Variants in HMCN1 observed in about 807,000 individuals in gnomAD.
The protein encoded by HMCN1 is hemicentin-1.
HMCN1 carries 321 observed loss-of-function variants against 625.9 expected under a neutral mutation model. The observed-to-expected ratio is 0.51, with a 90% CI of 0.47 to 0.56. HMCN1 has a LOEUF of 0.56. HMCN1 is among the 20% of genes least tolerant of loss of function. The pLI, the probability that HMCN1 is intolerant of heterozygous loss-of-function variation, is 0.00. For synonymous variants in HMCN1, 2,425 were observed against 2,417.6 expected (o/e 1.00, Z -0.09); for missense variants, 6,588 against 6,887.3 (o/e 0.96, Z 1.54).
chr1:186,038,717 A>T, intron 37 of HMCN1, 112 bp from the exon 38 acceptor site: 1 of 711,884 alleles, frequency 1.4e-6, no homozygotes, highest in South Asian at 1.6e-5. Flanking sequence ...AACAGATTAA[A>T]TTCAAATAAT....
At chr1:185,825,197 A>G (rs1660441323) in intron 1 of HMCN1, among the ~76,000 whole-genome samples, 1 of 152,122 alleles carries the variant, frequency 6.6e-6, no homozygotes, top group Non-Finnish European at 1.5e-5. Context: ...TTCCAAGTGT[A>G]TTTTACACAA....
chr1:185,924,653 TA>T (rs1293115610), intron 8 of HMCN1, among the ~76,000 whole-genome samples: 1 of 152,188 alleles, frequency 6.6e-6, no homozygotes, highest in Non-Finnish European at 1.5e-5. Flanking sequence ...AGTCATTTTT[TA>T]CATTTATTTT....
intron 36 of HMCN1, among the ~76,000 whole-genome samples, chr1:186,027,579 C>G (rs1388774200): frequency 6.6e-6 from 1 of 152,052 alleles, no homozygotes; most frequent in Non-Finnish European, 1.5e-5. Context: ...GAGAGTATAC[C>G]ACAGTTATGG....
chr1:186,183,437 G>T (rs1396225577), intron 105 of HMCN1, among the ~76,000 whole-genome samples: 1 of 152,184 alleles, frequency 6.6e-6, no homozygotes, highest in South Asian at 2.1e-4. Flanking sequence ...GATGAAACAT[G>T]AAGTTGAGTA....
rs185126656 is a variant in HMCN1, at chr1:186,096,994, C to T, written c.10573+1473C>T. ...CAAGGTCTAGCAGAAGATAAGGATG[C>T]CCACTTTCTCTACTTCTATTAGACA... On this transcript the variant is annotated intron_variant, in intron 68 of 106. Coordinates refer to ENST00000271588, the MANE Select transcript of HMCN1 (RefSeq NM_031935.3). Among the ~76,000 whole-genome samples the T allele has an allele frequency of 4.5e-4, 69 of 152,228 alleles. No homozygotes were observed. The Middle Eastern group carries it at 0.01, about 23-fold the overall frequency.
intron 93 of HMCN1, among the ~76,000 whole-genome samples, chr1:186,150,053 A>G (rs144952778): frequency 1.3e-5 from 2 of 152,346 alleles, no homozygotes; most frequent in African/African-American, 4.8e-5. Flanking sequence ...TGACACAGGA[A>G]CACAAAGTGA....
At chr1:185,804,165 C>T (rs1659011252) in intron 1 of HMCN1, among the ~76,000 whole-genome samples, 1 of 151,674 alleles carries the variant, frequency 6.6e-6, no homozygotes, top group African/African-American at 2.4e-5. Flanking sequence ...TTTATATGCT[C>T]TATGTTTTCA....
rs888435250 is a variant in HMCN1 at position 186,167,077 on chromosome 1, C to A, written c.15574+135C>A. 5 of 1,102,436 alleles carry A rather than the reference C, an allele frequency of 4.5e-6. No individual in the cohort carries two copies. In the African/African-American group the frequency reaches 4.7e-5, roughly 10 times the overall value. 68.3% of individuals were successfully genotyped at this position (1,102,436 alleles called of 1,614,324 possible). ...TAAAAGGGAGAGAATGAGGAGATAT[C>A]CAGCAAGAGGGACTCCTGTCTCTCC... On this transcript the variant is annotated intron_variant, in intron 100 of 106. Transcript: ENST00000271588.
At chr1:185,817,284 G>C (rs1008580416) in intron 1 of HMCN1, among the ~76,000 whole-genome samples, 1 of 152,138 alleles carries the variant, frequency 6.6e-6, no homozygotes, top group Non-Finnish European at 1.5e-5. Flanking sequence ...AGCTCCTTGA[G>C]GTAAGGGACA....
At chr1:186,161,005 A>G (rs950537821) in intron 97 of HMCN1, among the ~76,000 whole-genome samples, 7 of 152,116 alleles carry the variant, frequency 4.6e-5, no homozygotes, top group Non-Finnish European at 7.3e-5. Flanking sequence ...TGATCTGTCT[A>G]ATGTTTACAG....
At chr1:186,113,723 T>C (rs1660993035) in intron 72 of HMCN1, among the ~76,000 whole-genome samples, 1 of 152,224 alleles carries the variant, frequency 6.6e-6, no homozygotes, top group Non-Finnish European at 1.5e-5. Flanking sequence ...TAAGCCTCTC[T>C]CACAGTAAGC....
At chr1:186,000,557 G>GTA (rs138047269) in intron 26 of HMCN1, among the ~76,000 whole-genome samples, 1,829 of 112,154 alleles carry the variant, frequency 0.016, 17 homozygotes, top group Middle Eastern at 0.053. Flanking sequence ...GTGTGTGTGT[G>GTA]TATGTGTGTG....
At chr1:185,849,381 C>A (rs2102325766) in intron 2 of HMCN1, among the ~76,000 whole-genome samples, 1 of 152,276 alleles carries the variant, frequency 6.6e-6, no homozygotes, top group South Asian at 2.1e-4. Flanking sequence ...TTGGCTGGGT[C>A]ATTTCTCACT....
At chr1:186,100,586 A>G (rs1268494498) in intron 68 of HMCN1, among the ~76,000 whole-genome samples, 1 of 152,158 alleles carries the variant, frequency 6.6e-6, no homozygotes, top group African/African-American at 2.4e-5. Context: ...AGTTCTAAAA[A>G]CGGAATAACA....
intron 2 of HMCN1, among the ~76,000 whole-genome samples, chr1:185,863,137 T>C (rs760471700): frequency 2.2e-4 from 33 of 152,198 alleles, no homozygotes; most frequent in Non-Finnish European, 4.3e-4. Flanking sequence ...AGTTTAATGA[T>C]AAAGCCTTAC....
intron 45 of HMCN1, among the ~76,000 whole-genome samples, chr1:186,055,913 G>C (rs1167735558): frequency 6.6e-6 from 1 of 151,952 alleles, no homozygotes; most frequent in African/African-American, 2.4e-5. Flanking sequence ...CAGTAAAGTA[G>C]AAAATTGTTG....
chr1:186,185,482 A>AAAG (rs1430141079), intron 105 of HMCN1, among the ~76,000 whole-genome samples: 8 of 152,238 alleles, frequency 5.3e-5, no homozygotes, highest in African/African-American at 1.7e-4. Context: ...CTTCACTGAA[A>AAAG]AAGTTTGTCC....
intron 69 of HMCN1, among the ~76,000 whole-genome samples, chr1:186,104,401 C>T (rs1360568181): frequency 1.3e-5 from 2 of 152,134 alleles, no homozygotes; most frequent in Non-Finnish European, 2.9e-5. Context: ...TAGGATTGTT[C>T]CTGCTGTTGC....
At position 186,032,226 on chromosome 1, in the gene HMCN1, AT is replaced by A. The variant is rs368009599; in HGVS notation, c.5750-5707del. On this transcript the variant is annotated intron_variant, in intron 36 of 106. Transcript: ENST00000271588. ...TCAAACAGATCAGCAAGAAAAAAAA[AT>A]AATCCCATCAAAAAGTGGGCAAAGG... Among the ~76,000 whole-genome samples the A allele has an allele frequency of 2.0e-3, 303 of 152,276 alleles. 11 individuals carry two copies. In the South Asian group the frequency reaches 0.039, roughly 20 times the overall value.
Sources: allele counts gnomAD v4.1 joint callset (sites outside exome capture counted in the v4.1 genomes callset), GRCh38; gene constraint gnomAD v4.1.1; transcripts MANE v1.5; gene names NCBI Gene and HGNC (gene_info 2026-07-23, HGNC 2026-07-21).